The following CCL16 variants were observed in gnomAD, a reference collection of about 807,000 sequenced individuals.
The protein encoded by CCL16 is C-C motif chemokine 16.
A neutral mutation model predicts 7.5 loss-of-function variants in CCL16; 6 were observed. That is an observed-to-expected ratio of 0.80 (90% CI 0.44 to 1.57). The LOEUF (loss-of-function observed/expected upper bound fraction) is 1.57, where lower values mean the gene tolerates loss of function less well. CCL16 is among the 40% of genes most tolerant of loss of function. CCL16 has a pLI of 0.01. For synonymous variants in CCL16, 60 were observed against 57.7 expected (o/e 1.04, Z -0.18); for missense variants, 134 against 142.9 (o/e 0.94, Z 0.32).
chr17:35,981,469 G>A lies in CCL16; in HGVS notation c.-49C>T, dbSNP rs1568451835. The A allele has an allele frequency of 3.5e-6, 5 of 1,410,004 alleles. No homozygotes were observed. Among genetic ancestry groups the A allele is most frequent in the Non-Finnish European group, 5.0e-6 (5 of 1,009,876 alleles). The allele number at this position is 1,410,004 out of a possible 1,614,324, so 87.3% of individuals were successfully genotyped here. On this transcript the variant is annotated 5_prime_UTR_variant, in exon 1 of 3. Transcript: ENST00000611905. ...TCAGGGAGAGCCGAATGAAGATGTT[G>A]TCTGTTGCTGGTGGTCCGCTTGCCA...
intron 1 of CCL16, 81 bp from the exon 2 acceptor site, chr17:35,978,344 G>A (rs1379341087): frequency 1.3e-6 from 2 of 1,589,720 alleles, no homozygotes. Flanking sequence ...CACCATTTGT[G>A]TTTCACTCCT....
chr17:35,976,710 C>T lies in CCL16; in HGVS notation c.*856G>A, dbSNP rs2089639498. On this transcript the variant is annotated 3_prime_UTR_variant, in exon 3 of 3. Coordinates refer to ENST00000611905, the MANE Select transcript of CCL16 (RefSeq NM_004590.4). ...TGTACCCCTGCCACCCTGAGGAAGA[C>T]AAAATATGAGAGGATCTAGCAAAGT... 1 of 150,242 alleles carries T rather than the reference C, an allele frequency of 6.7e-6. No individual in the cohort carries two copies. Among genetic ancestry groups the T allele is most frequent in the Non-Finnish European group, 1.5e-5 (1 of 67,776 alleles). 9.3% of individuals were successfully genotyped at this position (150,242 alleles called of 1,614,324 possible).
Position 35,977,042 on chromosome 17 carries a change from T to G in CCL16, c.*524A>C, listed in dbSNP as rs1037069776. 1 of 152,606 alleles carries G rather than the reference T, an allele frequency of 6.6e-6. No individual in the cohort carries two copies. The highest frequency in any genetic ancestry group is 1.5e-5 in the Non-Finnish European group (1 of 68,404). The allele number at this position is 152,606 out of a possible 1,614,324, so 9.5% of individuals were successfully genotyped here. A position where few individuals can be genotyped will look rare whatever the true frequency, so the allele number is the denominator to read the frequency against. ...GTGTATTAAGAGTGCACTGGCCGGA[T>G]GTGGTGGCTCACGCCTGTAATCCCA... On this transcript the variant is annotated 3_prime_UTR_variant, in exon 3 of 3. Transcript: ENST00000611905.
At chr17:35,977,905 C>G (rs952927455) in intron 2 of CCL16, among the ~76,000 whole-genome samples, 174 bp from the exon 3 acceptor site, 6 of 152,266 alleles carry the variant, frequency 3.9e-5, no homozygotes, top group African/African-American at 1.4e-4. Context: ...CCTTACCATC[C>G]CTTCTCTCAG....
chr17:35,976,766 C>T lies in CCL16; in HGVS notation c.*800G>A, dbSNP rs529408349. On this transcript the variant is annotated 3_prime_UTR_variant, in exon 3 of 3. Coordinates refer to ENST00000611905, the MANE Select transcript of CCL16 (RefSeq NM_004590.4). ...CAAAAATGATTAATGTGAATATTCC[C>T]ATCCGGACTTCCTATGAAAAAGTTG... The T allele has an allele frequency of 6.6e-6, 1 of 151,988 alleles. No homozygotes were observed. The highest frequency in any genetic ancestry group is 1.9e-4 in the East Asian group (1 of 5,170). 9.4% of individuals were successfully genotyped at this position (151,988 alleles called of 1,614,324 possible). A position where few individuals can be genotyped will look rare whatever the true frequency, so the allele number is the denominator to read the frequency against.
intron 1 of CCL16, chr17:35,978,892 G>GGAGGCC (rs1462548933): frequency 6.6e-6 from 1 of 152,526 alleles, no homozygotes; most frequent in African/African-American, 2.4e-5. Context: ...CAGCACTTTG[G>GGAGGCC]GAGGCCGAGG....
At chr17:35,978,113 C>T in intron 2 of CCL16, 30 bp downstream of exon 2, 1 of 1,614,124 alleles carries the variant, frequency 6.2e-7, no homozygotes. Flanking sequence ...CTGTCCCTCT[C>T]CACAGAAATA....
chr17:35,978,219 A>G lies in CCL16; in HGVS notation c.121T>C (p.Tyr41His), dbSNP rs767230651. 2 of 1,614,104 alleles carry G rather than the reference A, an allele frequency of 1.2e-6. No homozygotes were observed. The highest frequency in any genetic ancestry group is 2.2e-5 in the South Asian group (2 of 91,076). Residue 41 changes from tyrosine to histidine, a missense_variant, in exon 2 of 3, where the codon TAT becomes CAT. Tyr to His is a moderately conservative substitution (Grantham distance 83). Coordinates refer to ENST00000611905, the MANE Select transcript of CCL16 (RefSeq NM_004590.4). ...CTCCTTGGCAACACTTTCTCATAAT[A>G]CTTCAGGCAGCAGGTGGATGGGGTG... ...VNTPSTCCLK[Y>H]YEKVLPRRLV...
chr17:35,978,651 C>G (rs866986914), intron 1 of CCL16, among the ~76,000 whole-genome samples: 2 of 152,286 alleles, frequency 1.3e-5, no homozygotes, highest in Middle Eastern at 6.8e-3. Flanking sequence ...AACTTACAGA[C>G]TAGTCAGGGT....
chr17:35,978,053 A>G (rs2089652640), intron 2 of CCL16, 90 bp downstream of exon 2: 1 of 1,553,934 alleles, frequency 6.4e-7, no homozygotes, highest in African/African-American at 1.4e-5. Context: ...CACTGCTTCT[A>G]GCATGGAGAC....
At chr17:35,978,515 G>A (rs530456077) in intron 1 of CCL16, among the ~76,000 whole-genome samples, 1 of 152,346 alleles carries the variant, frequency 6.6e-6, no homozygotes, top group Admixed American at 6.5e-5. Flanking sequence ...CAAGGAACCG[G>A]GAGGAAGCTG....
At chr17:35,978,340 TTG>T in intron 1 of CCL16, 77 bp from the exon 2 acceptor site, 1 of 1,599,764 alleles carries the variant, frequency 6.3e-7, no homozygotes, top group Non-Finnish European at 8.5e-7. Flanking sequence ...CTCCCACCAT[TTG>T]TGTTTCACTC....
At chr17:35,980,545 C>A in intron 1 of CCL16, 1 of 184,084 alleles carries the variant, frequency 5.4e-6, no homozygotes, top group Non-Finnish European at 1.1e-5. Context: ...CAAAACAAAA[C>A]ACAACAAGCA....
intron 1 of CCL16, among the ~76,000 whole-genome samples, chr17:35,979,517 G>A (rs2089665084): frequency 6.6e-6 from 1 of 152,128 alleles, no homozygotes; most frequent in African/African-American, 2.4e-5. Context: ...TGAATCATGG[G>A]CAAATTTCTT....
Position 35,981,378 on chromosome 17 carries a change from G to A in CCL16, c.43C>T (p.Leu15Phe). ...EAALSLLVLI[L>F]IITSASRSQP... ...CTGCGAGAAGCCGAAGTAATGATAA[G>A]GATGAGGACAAGGAGAGACAGGGCA... is the stretch of plus-strand genomic sequence containing the variant. Residue 15 changes from leucine to phenylalanine, a missense_variant, in exon 1 of 3, where the codon CTT becomes TTT. Coordinates refer to ENST00000611905, the MANE Select transcript of CCL16 (RefSeq NM_004590.4). The A allele has an allele frequency of 6.2e-7, 1 of 1,613,136 alleles. No homozygotes were observed. Among genetic ancestry groups the A allele is most frequent in the Non-Finnish European group, 8.5e-7 (1 of 1,179,624 alleles).
Position 35,977,395 on chromosome 17 carries a change from T to C in CCL16, c.*171A>G, listed in dbSNP as rs1053838897. The C allele has an allele frequency of 2.4e-5, 12 of 507,426 alleles. No homozygotes were observed. The highest frequency in any genetic ancestry group is 1.0e-3 in the Middle Eastern group (2 of 1,968). The allele number at this position is 507,426 out of a possible 1,614,324, so 31.4% of individuals were successfully genotyped here. ...TACCTCTGCCCACGTCCCTTAACTTTGGTATTTCCTCCTAAGATTGAGAAA... is the reference window on the plus strand; with the variant it reads ...TACCTCTGCCCACGTCCCTTAACTTCGGTATTTCCTCCTAAGATTGAGAAA... On this transcript the variant is annotated 3_prime_UTR_variant, in exon 3 of 3. Transcript: ENST00000611905.
In CCL16 at chr17:35,981,412, G is replaced by C. The variant is rs1044362941; in HGVS notation, c.9C>G (p.Val3=). 1 of 1,611,542 alleles carries C rather than the reference G, an allele frequency of 6.2e-7. No individual in the cohort carries two copies. Among genetic ancestry groups the C allele is most frequent in the African/African-American group, 1.3e-5 (1 of 75,006 alleles). Residue 3 remains valine, a synonymous_variant, in exon 1 of 3, where the codon GTC becomes GTG. Coordinates refer to ENST00000611905, the MANE Select transcript of CCL16 (RefSeq NM_004590.4). ...CAAGGAGAGACAGGGCAGCCTCGGA[G>C]ACCTTCATCCTCTCAGCGAGGCAGT... The part of the protein sequence containing the change: MK[V]SEAALSLLVL...
chr17:35,979,379 G>T (rs1490118496), intron 1 of CCL16, among the ~76,000 whole-genome samples: 1 of 152,158 alleles, frequency 6.6e-6, no homozygotes, highest in Non-Finnish European at 1.5e-5. Context: ...AGAGGCGGAG[G>T]TTAGGGGGAA....
chr17:35,979,575 A>G (rs79752855), intron 1 of CCL16, among the ~76,000 whole-genome samples: 1 of 152,234 alleles, frequency 6.6e-6, no homozygotes, highest in East Asian at 1.9e-4. Flanking sequence ...GGGGTAAATG[A>G]TACTTACTTG....
Sources: allele counts gnomAD v4.1 joint callset (sites outside exome capture counted in the v4.1 genomes callset), GRCh38; gene constraint gnomAD v4.1.1; transcripts MANE v1.5; gene names NCBI Gene and HGNC (gene_info 2026-07-23, HGNC 2026-07-21).